The following RBFOX1 variants were observed in gnomAD, a reference collection of about 807,000 sequenced individuals.
RBFOX1 encodes RNA binding fox-1 homolog 1.
A neutral mutation model predicts 57.7 loss-of-function variants in RBFOX1; 8 were observed. That is an observed-to-expected ratio of 0.14 (90% CI 0.08 to 0.25). RBFOX1 has a LOEUF of 0.25. RBFOX1 is among the 10% of genes least tolerant of loss of function. The pLI is 1.00. For missense variants in RBFOX1, 611 were observed against 548.5 expected (o/e 1.11, Z -1.14); for synonymous variants, 326 against 222.4 (o/e 1.47, Z -4.15).
At chr16:7,511,820 A>G (rs2075171595) in intron 4 of RBFOX1, among the ~76,000 whole-genome samples, 1 of 152,116 alleles carries the variant, frequency 6.6e-6, no homozygotes, top group Non-Finnish European at 1.5e-5. Flanking sequence ...TATCCTAATA[A>G]ATGTTGTTTA....
At chr16:6,147,322 G>C (rs1213141072) in intron 1 of RBFOX1, among the ~76,000 whole-genome samples, 1 of 152,124 alleles carries the variant, frequency 6.6e-6, no homozygotes, top group Non-Finnish European at 1.5e-5. Context: ...GTACAGGCCA[G>C]TTTTGCTTTT....
intron 4 of RBFOX1, among the ~76,000 whole-genome samples, chr16:7,242,673 T>G (rs1013139404): frequency 2.0e-5 from 3 of 152,226 alleles, no homozygotes; most frequent in Non-Finnish European, 2.9e-5. Context: ...CCGTGCTTCG[T>G]GATTTGCATC....
rs367681314 is a variant in RBFOX1, at chr16:5,257,850, GT to G, written c.219+17746del. 1.2e-3 allele frequency among the ~76,000 whole-genome samples: 182 copies of G among 152,128 alleles called. 1 individual carries two copies. The highest frequency in any genetic ancestry group is 4.2e-3 in the African/African-American group (175 of 41,490). ...ATCTCAAAAAAATCATTTTTTTGGG[GT>G]GGGGGGGAAATGGGATCAAGAGGGT... On this transcript the variant is annotated intron_variant, in intron 1 of 2. Transcript: ENST00000585867.
intron 4 of RBFOX1, among the ~76,000 whole-genome samples, chr16:7,064,201 C>G (rs958041307): frequency 8.2e-6 from 1 of 121,552 alleles, no homozygotes; most frequent in East Asian, 2.6e-4. Flanking sequence ...TGGAGTCTCA[C>G]TATGTGGCCT....
chr16:6,497,398 C>G (rs989824899), intron 2 of RBFOX1, among the ~76,000 whole-genome samples: 1 of 152,136 alleles, frequency 6.6e-6, no homozygotes, highest in Admixed American at 6.5e-5. Flanking sequence ...TTCTCAGCTA[C>G]TTTTCCCACT....
chr16:6,388,928 G>A (rs2092447765), intron 2 of RBFOX1, among the ~76,000 whole-genome samples: 1 of 152,206 alleles, frequency 6.6e-6, no homozygotes, highest in African/African-American at 2.4e-5. Flanking sequence ...GGGGCTGACA[G>A]GTGGAGATGG....
intron 3 of RBFOX1, among the ~76,000 whole-genome samples, chr16:6,775,257 G>A (rs976695981): frequency 1.3e-5 from 2 of 149,662 alleles, no homozygotes; most frequent in Non-Finnish European, 3.0e-5. Context: ...GTGAAACCGG[G>A]AGGCCGAGCT....
chr16:5,638,314 A>G (rs1322822937), intron 3 of RBFOX1, among the ~76,000 whole-genome samples: 1 of 152,126 alleles, frequency 6.6e-6, no homozygotes, highest in Non-Finnish European at 1.5e-5. Context: ...CCACTTTTCT[A>G]TCTTGCCTTA....
chr16:6,108,062 C>G (rs117780451), intron 1 of RBFOX1, among the ~76,000 whole-genome samples: 35 of 152,116 alleles, frequency 2.3e-4, no homozygotes, highest in Non-Finnish European at 4.6e-4. Flanking sequence ...AATATCAATA[C>G]TTAATGGATC....
intron 4 of RBFOX1, among the ~76,000 whole-genome samples, chr16:7,230,444 T>C (rs2093432471): frequency 6.6e-6 from 1 of 152,260 alleles, no homozygotes; most frequent in East Asian, 1.9e-4. Context: ...CCCACAGATT[T>C]TGAGATGTAG....
At chr16:7,686,153 T>G (rs76510880) in intron 14 of RBFOX1, among the ~76,000 whole-genome samples, 8,444 of 151,946 alleles carry the variant, frequency 0.056, 277 homozygotes, top group African/African-American at 0.072. Flanking sequence ...GCAGCATCAC[T>G]GAACTGTGGG....
chr16:6,978,048 C>G (rs1486766261), intron 3 of RBFOX1, among the ~76,000 whole-genome samples: 2 of 151,952 alleles, frequency 1.3e-5, no homozygotes, highest in African/African-American at 4.8e-5. Flanking sequence ...CCCGCCCTCC[C>G]TCTAACCTGC....
At chr16:6,901,923 C>T (rs1207083642) in intron 3 of RBFOX1, among the ~76,000 whole-genome samples, 2 of 152,222 alleles carry the variant, frequency 1.3e-5, no homozygotes, top group East Asian at 1.9e-4. Context: ...GGCTTTTAAG[C>T]AGGGATTTTT....
intron 4 of RBFOX1, among the ~76,000 whole-genome samples, chr16:7,241,472 T>C (rs1256865412): frequency 6.6e-6 from 1 of 152,196 alleles, no homozygotes; most frequent in Non-Finnish European, 1.5e-5. Context: ...TCATTCAAGA[T>C]GACTAAAATG....
At chr16:7,127,499 A>G (rs1446541117) in intron 4 of RBFOX1, among the ~76,000 whole-genome samples, 1 of 152,202 alleles carries the variant, frequency 6.6e-6, no homozygotes, top group East Asian at 1.9e-4. Context: ...GTTTTTGATG[A>G]CAGGGATTTA....
intron 3 of RBFOX1, among the ~76,000 whole-genome samples, chr16:6,853,029 C>T (rs931490314): frequency 1.3e-5 from 2 of 152,128 alleles, no homozygotes; most frequent in African/African-American, 2.4e-5. Flanking sequence ...ACAGCTGGTC[C>T]CAGCTGGCTT....
At chr16:7,631,165 TGAGGAG>T (rs3837772) in intron 11 of RBFOX1, among the ~76,000 whole-genome samples, 17 of 150,176 alleles carry the variant, frequency 1.1e-4, no homozygotes, top group East Asian at 6.0e-4. Context: ...GTAATTCCAA[TGAGGAG>T]GAGGAGGAGG....
chr16:7,075,357 G>A (rs1462500274), intron 4 of RBFOX1, among the ~76,000 whole-genome samples: 1 of 152,168 alleles, frequency 6.6e-6, no homozygotes, highest in African/African-American at 2.4e-5. Flanking sequence ...GAGAAGAGTT[G>A]GGAAGTCAAA....
At chr16:5,850,088 C>T (rs564366213) in intron 3 of RBFOX1, among the ~76,000 whole-genome samples, 2 of 152,276 alleles carry the variant, frequency 1.3e-5, no homozygotes, top group African/African-American at 4.8e-5. Flanking sequence ...TTACTCTGAA[C>T]CCAGGCTGGG....
Sources: gnomAD v4.1 joint callset for allele counts (sites outside exome capture counted in the v4.1 genomes callset) on GRCh38, gnomAD v4.1.1 for gene constraint, MANE v1.5 for transcripts, NCBI Gene and HGNC (gene_info 2026-07-23, HGNC 2026-07-21) for gene names.